CRYBG3: variants seen among roughly 807,000 people sequenced by gnomAD.
The protein encoded by CRYBG3 is crystallin beta-gamma domain containing 3, also known as very large A-kinase anchor protein.
Under a neutral mutation model 244.2 loss-of-function variants are expected in CRYBG3, and 127 were observed. That is an observed-to-expected ratio of 0.52 (90% CI 0.45 to 0.60). The LOEUF (loss-of-function observed/expected upper bound fraction) is 0.60. CRYBG3 is among the 20% of genes least tolerant of loss of function. The pLI is 0.00. For synonymous variants in CRYBG3, 1,132 were observed against 1,195.8 expected (o/e 0.95, Z 1.10); for missense variants, 3,325 against 3,442.5 (o/e 0.97, Z 0.85).
chr3:97,941,606 C>T (rs1012620044), intron 20 of CRYBG3, among the ~76,000 whole-genome samples: 2 of 151,886 alleles, frequency 1.3e-5, no homozygotes, highest in Admixed American at 6.6e-5. Flanking sequence ...GGACAATGTG[C>T]TTTTGTAAGA....
intron 7 of CRYBG3, among the ~76,000 whole-genome samples, chr3:97,886,368 G>T (rs984775397): frequency 2.0e-5 from 3 of 151,908 alleles, no homozygotes; most frequent in Non-Finnish European, 4.4e-5. Flanking sequence ...ATTGCTTAAT[G>T]GAACGAATCT....
Position 97,874,666 on chromosome 3 carries a change from G to A in CRYBG3, c.3472G>A (p.Ala1158Thr). The A allele has an allele frequency of 6.5e-7, 1 of 1,535,970 alleles. No individual in the cohort carries two copies. The change falls in exon 4 of 22, where the codon GCT becomes ACT. Residue 1158 changes from alanine to threonine, a missense_variant. Physicochemically the swap from Ala to Thr is moderately conservative, Grantham distance 58. Coordinates refer to ENST00000389622, the MANE Select transcript of CRYBG3 (RefSeq NM_153605.4). ...CGTGGAAGCAGAGACTGGAGCAGTT[G>A]CTGGGCCTGCAGCGTCAGTTAACAG... Reference protein sequence around the residue: ...NLVEAETGAVAGPAASVNSSG... With the variant: ...NLVEAETGAVTGPAASVNSSG...
Position 97,876,242 on chromosome 3 carries a change from G to T in CRYBG3, c.5048G>T (p.Gly1683Val). 1 of 1,231,734 alleles carries T rather than the reference G, an allele frequency of 8.1e-7. No homozygotes were observed. The highest frequency in any genetic ancestry group is 4.1e-5 in the South Asian group (1 of 24,276). 76.3% of individuals were successfully genotyped at this position (1,231,734 alleles called of 1,614,324 possible). ...THAEGDIGKT[G>V]TIALSEVENI... Reference sequence around the variant, plus strand: ...GCTGAAGGGGATATTGGCAAGACTGGGACGATAGCCTTGTCAGAAGTGGAA... The same window carrying T: ...GCTGAAGGGGATATTGGCAAGACTGTGACGATAGCCTTGTCAGAAGTGGAA... Residue 1683 changes from glycine (G) to valine (V), a missense_variant, in exon 4 of 22, where the codon GGG becomes GTG. Gly to Val is a moderately radical substitution (Grantham distance 109). This residue lies in a region of CRYBG3 where 635 missense variants were observed against 771.7 expected (regional missense o/e 0.82). Transcript: ENST00000389622.
chr3:97,910,225 G>A (rs1158436941), intron 15 of CRYBG3, among the ~76,000 whole-genome samples: 13 of 152,090 alleles, frequency 8.5e-5, no homozygotes, highest in African/African-American at 2.2e-4. Flanking sequence ...TGCCCCCAGA[G>A]GTGGAGCCTA....
chr3:97,920,631 G>C (rs1470230283), intron 17 of CRYBG3, among the ~76,000 whole-genome samples: 1 of 152,022 alleles, frequency 6.6e-6, no homozygotes, highest in African/African-American at 2.4e-5. Context: ...CCAAGTTCAA[G>C]GAATTCTCAT....
chr3:97,822,258 T>C lies in CRYBG3; in HGVS notation c.52T>C (p.Phe18Leu). 6.5e-7 allele frequency: 1 copy of C among 1,530,718 alleles called. No homozygotes were observed. Among genetic ancestry groups the C allele is most frequent in the Non-Finnish European group, 8.7e-7 (1 of 1,144,772 alleles). The allele number at this position is 1,530,718 out of a possible 1,614,324, so 94.8% of individuals were successfully genotyped here. ...CGCCCCCTGGCACAGCTTCTCCCGG[T>C]TCTTCGCTCCCCGAAGTCCTTCCCG... ...GSAPWHSFSR[F>L]FAPRSPSRDK... Residue 18 changes from phenylalanine to leucine, a missense_variant, in exon 1 of 22, where the codon TTC (phenylalanine) becomes CTC (leucine). This residue lies in a region of CRYBG3 where 1,526 missense variants were observed against 1,443.2 expected (regional missense o/e 1.06). Transcript: ENST00000389622.
Position 97,872,623 on chromosome 3 carries a change from A to C in CRYBG3, c.1429A>C (p.Lys477Gln). The C allele has an allele frequency of 6.5e-7, 1 of 1,535,986 alleles. No homozygotes were observed. The highest frequency in any genetic ancestry group is 1.4e-5 in the African/African-American group (1 of 73,142). The change falls in exon 4 of 22, where the codon AAG (lysine) becomes CAG (glutamine). Residue 477 changes from lysine to glutamine, a missense_variant. Transcript: ENST00000389622. ...GTTGCCAGAGAGTGAGTGTTCTGACAAGCAAACCATAGATAGCTCATCAAA... is the reference window on the plus strand; with the variant it reads ...GTTGCCAGAGAGTGAGTGTTCTGACCAGCAAACCATAGATAGCTCATCAAA... ...LQLPESECSD[K>Q]QTIDSSSKQA...
At chr3:97,835,810 A>G (rs988681900) in intron 1 of CRYBG3, among the ~76,000 whole-genome samples, 2 of 152,098 alleles carry the variant, frequency 1.3e-5, no homozygotes, top group African/African-American at 4.8e-5. Flanking sequence ...AATTTGTTGA[A>G]TGATATGTGA....
At chr3:97,888,607 A>G in intron 9 of CRYBG3, 152 bp downstream of exon 9, 1 of 652,298 alleles carries the variant, frequency 1.5e-6, no homozygotes, top group Non-Finnish European at 2.7e-6. Context: ...TTCAGTATTT[A>G]CAGTATTTCT....
intron 2 of CRYBG3, among the ~76,000 whole-genome samples, chr3:97,863,847 AAC>A (rs1322659011): frequency 6.6e-6 from 1 of 152,110 alleles, no homozygotes; most frequent in East Asian, 1.9e-4. Context: ...CCTCACTAAA[AAC>A]ACACACACAT....
Position 97,872,266 on chromosome 3 carries a change from GGA to G in CRYBG3, c.1075_1076del (p.Glu359IlefsTer2). The G allele has an allele frequency of 6.5e-7, 1 of 1,535,906 alleles. No homozygotes were observed. The highest frequency in any genetic ancestry group is 8.7e-7 in the Non-Finnish European group (1 of 1,146,756). On this transcript the variant is annotated frameshift_variant, in exon 4 of 22. Coordinates refer to ENST00000389622, the MANE Select transcript of CRYBG3 (RefSeq NM_153605.4). LOFTEE classifies it high-confidence loss of function. ...TTCTGTGACTAACTCCAGCTACGATGGAGAATCTGACTCACAGCACCATTTAA... is the reference window on the plus strand; with the variant it reads ...TTCTGTGACTAACTCCAGCTACGATGGAATCTGACTCACAGCACCATTTAA... ...PSSVTNSSYDGESDSQHHLSC... is the reference protein window; with the variant it reads ...PSSVTNSSYDXESDSQHHLSC...
At chr3:97,834,489 C>A (rs1038983236) in intron 1 of CRYBG3, among the ~76,000 whole-genome samples, 3 of 152,056 alleles carry the variant, frequency 2.0e-5, no homozygotes, top group Non-Finnish European at 4.4e-5. Context: ...TCATAAATTT[C>A]TTGTAACTAC....
Position 97,872,694 on chromosome 3 carries a change from T to A in CRYBG3, c.1500T>A (p.Ala500=), listed in dbSNP as rs902822404. 2 of 1,535,870 alleles carry A rather than the reference T, an allele frequency of 1.3e-6. No homozygotes were observed. The highest frequency in any genetic ancestry group is 1.4e-5 in the African/African-American group (1 of 73,020). The stretch of plus-strand genomic sequence containing the variant: ...ATATCATTGCTCTTCAGAGACATGC[T>A]GTGACAGACACAGAATTTGTAAATG... ...HTNIIALQRH[A]VTDTEFVNEG... The change falls in exon 4 of 22, where the codon GCT becomes GCA. Residue 500 remains alanine, a synonymous_variant. Transcript: ENST00000389622.
rs2039398101 is a variant in CRYBG3 at position 97,877,752 on chromosome 3, C to T, written c.6558C>T (p.Asp2186=). The change falls in exon 4 of 22, where the codon GAC becomes GAT. Residue 2186 remains aspartate, a synonymous_variant. Coordinates refer to ENST00000389622, the MANE Select transcript of CRYBG3 (RefSeq NM_153605.4). ...CTTCCATCACATTTTACCCTGATGA[C>T]CAGGAGAGCGTTGGAATTTCTAAGA... The part of the protein sequence containing the change: ...PDPSITFYPD[D]QESVGISKNS... 1 of 1,614,044 alleles carries T rather than the reference C, an allele frequency of 6.2e-7. No homozygotes were observed. Among genetic ancestry groups the T allele is most frequent in the Non-Finnish European group, 8.5e-7 (1 of 1,179,998 alleles).
chr3:97,934,173 A>G (rs1222280811), intron 18 of CRYBG3, among the ~76,000 whole-genome samples: 2 of 151,998 alleles, frequency 1.3e-5, no homozygotes, highest in Non-Finnish European at 2.9e-5. Flanking sequence ...CCTCCAGGGT[A>G]CTCACTTGCC....
At chr3:97,912,401 C>T (rs1201289210) in intron 16 of CRYBG3, 125 bp downstream of exon 16, 1 of 467,316 alleles carries the variant, frequency 2.1e-6, no homozygotes, top group Non-Finnish European at 3.8e-6. Context: ...ATTTTACCTG[C>T]TAACTGGTCT....
intron 19 of CRYBG3, among the ~76,000 whole-genome samples, chr3:97,940,555 G>A (rs538694769): frequency 6.6e-6 from 1 of 152,008 alleles, no homozygotes; most frequent in African/African-American, 2.4e-5. Flanking sequence ...AAACTTCCAG[G>A]CCAAGGGGAT....
intron 2 of CRYBG3, among the ~76,000 whole-genome samples, chr3:97,855,945 A>G (rs1191709191): frequency 6.6e-6 from 1 of 152,174 alleles, no homozygotes; most frequent in Admixed American, 6.6e-5. Context: ...GTCATTGACA[A>G]CATCTTATCA....
At chr3:97,832,335 TA>T (rs1258660017) in intron 1 of CRYBG3, among the ~76,000 whole-genome samples, 4 of 150,774 alleles carry the variant, frequency 2.7e-5, no homozygotes, top group Non-Finnish European at 5.9e-5. Context: ...AAGGCTACAG[TA>T]ACCAAAACAG....
Sources: gnomAD v4.1 joint callset for allele counts (sites outside exome capture counted in the v4.1 genomes callset) on GRCh38, gnomAD v4.1.1 for gene constraint, gnomAD v4.1.1 regional missense constraint, MANE v1.5 for transcripts, NCBI Gene and HGNC (gene_info 2026-07-23, HGNC 2026-07-21) for gene names.